Variants in COL10A1 observed in about 807,000 individuals in gnomAD.
The protein encoded by COL10A1 is collagen type X alpha 1 chain.
COL10A1 carries 10 observed loss-of-function variants against 18.2 expected under a neutral mutation model. That is an observed-to-expected ratio of 0.55 (90% CI 0.34 to 0.93). COL10A1 has a LOEUF of 0.93. COL10A1 is among the 40% of genes least tolerant of loss of function. The pLI, the probability that COL10A1 is intolerant of heterozygous loss-of-function variation, is 0.02. For synonymous variants in COL10A1, 330 were observed against 316.6 expected (o/e 1.04, Z -0.45); for missense variants, 897 against 853.5 (o/e 1.05, Z -0.64).
rs776121617 is a variant in COL10A1 at position 116,120,951 on chromosome 6, C to A, written c.1165G>T (p.Gly389Trp). ...TCGAGACCTGGTTTTCCTGGGTACC[C>A]TGGTTTTCCATCTGACCCAGGGGAA... ...RGSPGSDGKPGYPGKPGLDGP... is the reference protein window; with the variant it reads ...RGSPGSDGKPWYPGKPGLDGP... Residue 389 changes from glycine (G) to tryptophan (W), a missense_variant, in exon 3 of 3, where the codon GGG (glycine) becomes TGG (tryptophan). Transcript: ENST00000651968. 1 of 1,613,842 alleles carries A rather than the reference C, an allele frequency of 6.2e-7. No individual in the cohort carries two copies. The highest frequency in any genetic ancestry group is 1.7e-5 in the Admixed American group (1 of 60,006).
chr6:116,153,630 G>A (rs1226113514), intron 1 of COL10A1, among the ~76,000 whole-genome samples: 3 of 152,110 alleles, frequency 2.0e-5, no homozygotes, highest in African/African-American at 7.2e-5. Context: ...TTAGGCTTCA[G>A]AAATAGAAAA....
chr6:116,175,999 T>C, the COL10A1 span, among the ~76,000 whole-genome samples: 1 of 152,208 alleles, frequency 6.6e-6, no homozygotes, highest in Non-Finnish European at 1.5e-5. Flanking sequence ...TAATTTTTGA[T>C]TGAATGCTGG....
At chr6:116,123,893 T>C (rs1779212080) in intron 2 of COL10A1, among the ~76,000 whole-genome samples, 1 of 152,232 alleles carries the variant, frequency 6.6e-6, no homozygotes, top group Non-Finnish European at 1.5e-5. Flanking sequence ...TCTTTTTAAT[T>C]CAAGACTTTG....
intron 1 of COL10A1, among the ~76,000 whole-genome samples, chr6:116,149,792 A>C (rs1779990481): frequency 6.6e-6 from 1 of 152,240 alleles, no homozygotes; most frequent in Non-Finnish European, 1.5e-5. Context: ...GACAGCTTGA[A>C]GATTCAAATA....
intron 1 of COL10A1, among the ~76,000 whole-genome samples, chr6:116,135,636 T>G (rs1372920184): frequency 6.6e-6 from 1 of 151,620 alleles, no homozygotes. Flanking sequence ...CTAGACTCAT[T>G]GGACTTTAAT....
intron 1 of COL10A1, among the ~76,000 whole-genome samples, chr6:116,155,232 G>A (rs753480541): frequency 2.6e-5 from 4 of 152,152 alleles, no homozygotes; most frequent in South Asian, 4.1e-4. Context: ...GACAACTGTC[G>A]TGATGGTTAC....
intron 1 of COL10A1, among the ~76,000 whole-genome samples, chr6:116,149,508 T>C (rs1562139449): frequency 6.6e-6 from 1 of 152,198 alleles, no homozygotes; most frequent in South Asian, 2.1e-4. Context: ...AACTTGAGTC[T>C]GAGACAGAGC....
chr6:116,209,657 T>C, the COL10A1 span, among the ~76,000 whole-genome samples: 1 of 151,826 alleles, frequency 6.6e-6, no homozygotes, highest in Non-Finnish European at 1.5e-5. Context: ...GGAAGGGAGA[T>C]AATATTTATG....
chr6:116,212,054 T>A, the COL10A1 span, among the ~76,000 whole-genome samples: 1 of 152,224 alleles, frequency 6.6e-6, no homozygotes, highest in South Asian at 2.1e-4. Context: ...TCCTATATAT[T>A]TATGTTTGTT....
intron 1 of COL10A1, among the ~76,000 whole-genome samples, chr6:116,138,511 G>A (rs976497078): frequency 1.3e-5 from 2 of 152,148 alleles, no homozygotes; most frequent in Non-Finnish European, 2.9e-5. Flanking sequence ...TCTAAAATGG[G>A]CTAGTTCAGA....
chr6:116,134,583 G>C (rs1386459083), intron 1 of COL10A1, among the ~76,000 whole-genome samples: 1 of 152,182 alleles, frequency 6.6e-6, no homozygotes, highest in Non-Finnish European at 1.5e-5. Flanking sequence ...TTTGCCTCAT[G>C]CTTGTGGATG....
At chr6:116,211,573 A>G in the COL10A1 span, among the ~76,000 whole-genome samples, 2 of 152,062 alleles carry the variant, frequency 1.3e-5, no homozygotes, top group African/African-American at 4.8e-5. Flanking sequence ...TTTAACTAGA[A>G]CAGCCATTCA....
At chr6:116,208,227 G>A in the COL10A1 span, among the ~76,000 whole-genome samples, 1 of 152,086 alleles carries the variant, frequency 6.6e-6, no homozygotes, top group South Asian at 2.1e-4. Context: ...CCACATTTCT[G>A]AGTCTGCTTT....
intron 1 of COL10A1, among the ~76,000 whole-genome samples, chr6:116,135,211 T>C (rs192636811): frequency 3.9e-5 from 6 of 152,270 alleles, no homozygotes; most frequent in African/African-American, 1.4e-4. Context: ...GAAATACATA[T>C]ATGACCCTTA....
chr6:116,127,759 ACTG>A (rs1160861366), upstream of COL10A1, among the ~76,000 whole-genome samples: 2 of 152,160 alleles, frequency 1.3e-5, no homozygotes, highest in Admixed American at 6.5e-5. Context: ...GCACACACAT[ACTG>A]CTATTTGCTT....
At chr6:116,210,620 T>A in the COL10A1 span, among the ~76,000 whole-genome samples, 1 of 151,986 alleles carries the variant, frequency 6.6e-6, no homozygotes, top group South Asian at 2.1e-4. Flanking sequence ...CATTAATAGT[T>A]ATAAAGGTCT....
At chr6:116,204,230 A>G in the COL10A1 span, among the ~76,000 whole-genome samples, 2 of 152,000 alleles carry the variant, frequency 1.3e-5, no homozygotes, top group Non-Finnish European at 2.9e-5. Context: ...TTGAATTTTT[A>G]TAATAAAGTA....
At chr6:116,124,684 C>G (rs1240801851) in intron 2 of COL10A1, among the ~76,000 whole-genome samples, 2 of 152,184 alleles carry the variant, frequency 1.3e-5, no homozygotes, top group African/African-American at 4.8e-5. Flanking sequence ...AATGAGGAAA[C>G]TAAGGCATGG....
chr6:116,161,795 T>C (rs1269812458), upstream of COL10A1, among the ~76,000 whole-genome samples: 1 of 152,226 alleles, frequency 6.6e-6, no homozygotes, highest in African/African-American at 2.4e-5. Context: ...GGAAGTTGCA[T>C]TGACTTTCTA....
Sources: gnomAD v4.1 joint callset for allele counts (sites outside exome capture counted in the v4.1 genomes callset) on GRCh38, gnomAD v4.1.1 for gene constraint, MANE v1.5 for transcripts, NCBI Gene and HGNC (gene_info 2026-07-23, HGNC 2026-07-21) for gene names.